Variants in DYNC2H1 observed in about 807,000 individuals in gnomAD.
DYNC2H1 encodes the protein cytoplasmic dynein 2 heavy chain 1.
DYNC2H1 carries 410 observed loss-of-function variants against 570.0 expected under a neutral mutation model. The ratio of observed to expected loss-of-function variants is 0.72; its 90% CI spans 0.66 to 0.78. The LOEUF (loss-of-function observed/expected upper bound fraction) is 0.78, where lower values mean the gene tolerates loss of function less well. Ranked by LOEUF, DYNC2H1 falls within the 30% of genes least tolerant of loss-of-function variation. The pLI, the probability that DYNC2H1 is intolerant of heterozygous loss-of-function variation, is 0.00. For synonymous variants in DYNC2H1, 1,688 were observed against 1,677.6 expected (o/e 1.01, Z -0.15); for missense variants, 4,865 against 5,046.4 (o/e 0.96, Z 1.09).
chr11:103,276,523 G>A (rs559220194), intron 70 of DYNC2H1, among the ~76,000 whole-genome samples: 22 of 151,836 alleles, frequency 1.4e-4, no homozygotes, highest in African/African-American at 4.3e-4. Context: ...TTTAAAAAAC[G>A]CAAATGATAC....
chr11:103,146,893 T>G (rs1380387270), intron 18 of DYNC2H1, among the ~76,000 whole-genome samples: 1 of 152,174 alleles, frequency 6.6e-6, no homozygotes, highest in Non-Finnish European at 1.5e-5. Flanking sequence ...CCACTGTGCC[T>G]GGCCTATTCT....
At chr11:103,279,918 A>G (rs375605385) in intron 70 of DYNC2H1, among the ~76,000 whole-genome samples, 1 of 152,172 alleles carries the variant, frequency 6.6e-6, no homozygotes, top group Non-Finnish European at 1.5e-5. Flanking sequence ...AAATTAATCT[A>G]TCTAGTAAGG....
rs371037205 is a variant in DYNC2H1, at chr11:103,156,389, A to T, written c.3746A>T (p.Asp1249Val). The change falls in exon 26 of 89, where the codon GAT becomes GTT. Residue 1249 changes from aspartate to valine, a missense_variant and splice_region_variant. Coordinates refer to ENST00000375735, the MANE Select transcript of DYNC2H1 (RefSeq NM_001377.3). ...TIVAKAADLKDLNSRAQGEVT... is the reference protein window; with the variant it reads ...TIVAKAADLKVLNSRAQGEVT... ...ACATGGATATTTTGTGTTAAATAGG[A>T]TTTAAATAGTCGGGCACAAGGTGAA... is the stretch of plus-strand genomic sequence containing the variant. 3.7e-5 allele frequency: 59 copies of T among 1,611,898 alleles called. No individual in the cohort carries two copies. The Middle Eastern group carries it at 6.6e-4, about 18-fold the overall frequency.
In DYNC2H1 at chr11:103,431,707, T is replaced by C. The variant is rs117473972; in HGVS notation, c.12367-4236T>C. 1.5e-3 allele frequency among the ~76,000 whole-genome samples: 221 copies of C among 152,266 alleles called. 1 individual carries two copies. The highest frequency in any genetic ancestry group is 1.7e-3 in the Non-Finnish European group (113 of 68,014). ...CTGTCCTTTGGGATTCGACAAACTC[T>C]TGAAAAGCATTTTCTGCATCCTGTT... On this transcript the variant is annotated intron_variant, in intron 84 of 88. Transcript: ENST00000375735.
Position 103,255,477 on chromosome 11 carries a change from A to G in DYNC2H1, c.10269A>G (p.Leu3423=), listed in dbSNP as rs1865018312. 1 of 1,569,490 alleles carries G rather than the reference A, an allele frequency of 6.4e-7. No individual in the cohort carries two copies. Among genetic ancestry groups the G allele is most frequent in the Non-Finnish European group, 8.7e-7 (1 of 1,155,972 alleles). ...TAGAAGAACAGAAAACAAAACTATTACAACAGGAAGAAGATAAGAAAATAC... is the reference window on the plus strand; with the variant it reads ...TAGAAGAACAGAAAACAAAACTATTGCAACAGGAAGAAGATAAGAAAATAC... ...PDLEEQKTKL[L]QQEEDKKIQL... The change falls in exon 67 of 89, where the codon TTA becomes TTG. Residue 3423 remains leucine, a synonymous_variant. Coordinates refer to ENST00000375735, the MANE Select transcript of DYNC2H1 (RefSeq NM_001377.3).
At chr11:103,416,761 C>A (rs1943298507) in intron 84 of DYNC2H1, among the ~76,000 whole-genome samples, 2 of 150,782 alleles carry the variant, frequency 1.3e-5, no homozygotes, top group South Asian at 4.2e-4. Context: ...AAAAGCAAGG[C>A]AACAAAAGCC....
intron 65 of DYNC2H1, among the ~76,000 whole-genome samples, chr11:103,247,652 T>C (rs1433988787): frequency 1.3e-5 from 2 of 152,058 alleles, no homozygotes; most frequent in East Asian, 3.9e-4. Flanking sequence ...TTGTTAATAC[T>C]GCTAAGGTTG....
At chr11:103,354,046 G>C (rs1489146772) in intron 82 of DYNC2H1, among the ~76,000 whole-genome samples, 1 of 151,404 alleles carries the variant, frequency 6.6e-6, no homozygotes, top group Non-Finnish European at 1.5e-5. Context: ...GCATGGTGGC[G>C]CATGACTGTA....
Position 103,366,299 on chromosome 11 carries a change from G to A in DYNC2H1, c.12156+7940G>A, listed in dbSNP as rs74606016. ...GTGTGCATATATGAATGTGTGTGTC[G>A]TGTGTGAGAGGGAAAGCAAGAGAGT... On this transcript the variant is annotated intron_variant, in intron 83 of 88. Transcript: ENST00000375735. 6.8e-3 allele frequency among the ~76,000 whole-genome samples: 1,035 copies of A among 152,256 alleles called. 10 individuals carry two copies. The highest frequency in any genetic ancestry group is 0.023 in the African/African-American group (968 of 41,548).
At chr11:103,343,604 C>A (rs11225736) in intron 82 of DYNC2H1, among the ~76,000 whole-genome samples, 32,928 of 152,004 alleles carry the variant, frequency 0.22, 3,711 homozygotes, top group Admixed American at 0.31. Flanking sequence ...GAAATTATAT[C>A]CTTCCTATTC....
intron 83 of DYNC2H1, among the ~76,000 whole-genome samples, chr11:103,365,426 T>C (rs1432163054): frequency 3.9e-5 from 6 of 152,134 alleles, no homozygotes; most frequent in African/African-American, 1.4e-4. Flanking sequence ...TGCTGGAGAT[T>C]CTAAAAATAA....
chr11:103,451,608 G>A (rs1944607343), intron 85 of DYNC2H1, among the ~76,000 whole-genome samples: 1 of 152,088 alleles, frequency 6.6e-6, no homozygotes, highest in South Asian at 2.1e-4. Flanking sequence ...TGGGATTACA[G>A]GCATGAGCCA....
intron 84 of DYNC2H1, among the ~76,000 whole-genome samples, chr11:103,431,227 A>AAC (rs1555130030): frequency 2.0e-5 from 3 of 151,624 alleles, no homozygotes; most frequent in East Asian, 1.9e-4. Flanking sequence ...AAAAAAAAAA[A>AAC]AAAAAACTAA....
chr11:103,342,376 T>C (rs1438820091), intron 82 of DYNC2H1, among the ~76,000 whole-genome samples: 1 of 151,862 alleles, frequency 6.6e-6, no homozygotes, highest in Non-Finnish European at 1.5e-5. Flanking sequence ...CGGGGACAAA[T>C]AAGGGAATAA....
At chr11:103,301,895 T>C (rs1835493) in intron 75 of DYNC2H1, among the ~76,000 whole-genome samples, 26,166 of 151,938 alleles carry the variant, frequency 0.17, 2,441 homozygotes, top group Admixed American at 0.26. Context: ...TATGGAAGCC[T>C]TTCTTGCCCA....
chr11:103,335,915 T>G (rs1939099687), intron 82 of DYNC2H1, among the ~76,000 whole-genome samples: 1 of 152,170 alleles, frequency 6.6e-6, no homozygotes. Context: ...GAGGTTTTTA[T>G]TTTTCCCAAG....
At chr11:103,206,146 A>C (rs1485423671) in intron 52 of DYNC2H1, among the ~76,000 whole-genome samples, 2 of 152,136 alleles carry the variant, frequency 1.3e-5, no homozygotes, top group Non-Finnish European at 2.9e-5. Context: ...TTCTGCATAC[A>C]TTTTGCAGTA....
intron 25 of DYNC2H1, 51 bp downstream of exon 25, chr11:103,155,552 C>A (rs1002555191): frequency 3.0e-5 from 46 of 1,521,408 alleles, no homozygotes; most frequent in Admixed American, 6.8e-5. Context: ...TTTTAATATA[C>A]AATATTGCTT....
Position 103,189,822 on chromosome 11 carries a change from T to C in DYNC2H1, c.7437+6T>C. ...TGGTACAAGTGTATGAACAGGTAGA[T>C]ATGCATCTAAATTGTAGCTTTCATG... On this transcript the variant is annotated splice_donor_region_variant and intron_variant, in intron 45 of 88. Transcript: ENST00000375735. This position sits in a 1 kb window ranked among gnomAD's most constrained non-coding sequence, Gnocchi z 4.3. 3 of 1,591,014 alleles carry C rather than the reference T, an allele frequency of 1.9e-6. No individual in the cohort carries two copies. Among genetic ancestry groups the C allele is most frequent in the Non-Finnish European group, 2.6e-6 (3 of 1,171,694 alleles).
Sources: allele counts gnomAD v4.1 joint callset (sites outside exome capture counted in the v4.1 genomes callset), GRCh38; gene constraint gnomAD v4.1.1; non-coding constraint Gnocchi (gnomAD v3.1); transcripts MANE v1.5; gene names NCBI Gene and HGNC (gene_info 2026-07-23, HGNC 2026-07-21).